Variants in UBAP2 observed in about 807,000 individuals in gnomAD.
UBAP2 encodes ubiquitin-associated protein 2.
A neutral mutation model predicts 139.6 loss-of-function variants in UBAP2; 75 were observed. The observed-to-expected ratio is 0.54, with a 90% confidence interval of 0.45 to 0.65. The LOEUF (loss-of-function observed/expected upper bound fraction) is 0.65, where lower values mean the gene tolerates loss of function less well. Ranked by LOEUF, UBAP2 falls within the 30% of genes least tolerant of loss-of-function variation. The probability of loss-of-function intolerance (pLI) is 0.00; values close to 1 mark genes in which losing one functional copy is unlikely to be tolerated. For missense variants in UBAP2, 1,368 were observed against 1,369.6 expected, an observed-to-expected ratio of 1.00 and a Z score of 0.02; for synonymous variants, 526 against 526.2, an observed-to-expected ratio of 1.00 and a Z score of 0.01.
rs35183703 is a variant in UBAP2, at chr9:34,021,678, G to A, written c.-41-4489C>T. 4.0e-3 allele frequency among the ~76,000 whole-genome samples: 590 copies of A among 146,022 alleles called. 2 individuals are homozygous for A. Among genetic ancestry groups the A allele is most frequent in the Non-Finnish European group, 4.8e-3 (322 of 67,366 alleles). On this transcript the variant is annotated intron_variant, in intron 1 of 28. Coordinates refer to ENST00000379238, the MANE Select transcript of UBAP2 (RefSeq NM_001370062.2). ...AGACGGAGGCTCGCTCCATCACCCAGGCTGGAGTGCAGTGATGTGATCTCA... is the reference window on the plus strand; with the variant it reads ...AGACGGAGGCTCGCTCCATCACCCAAGCTGGAGTGCAGTGATGTGATCTCA...
At position 33,922,375 on chromosome 9, in the gene UBAP2, C is replaced by T; in HGVS notation, c.*129G>A. ...TACAGTAGCCAGTCTGGGAGGCAGACTCCCCACAGAGGCATGGCTGACACA... is the reference window on the plus strand; with the variant it reads ...TACAGTAGCCAGTCTGGGAGGCAGATTCCCCACAGAGGCATGGCTGACACA... On this transcript the variant is annotated 3_prime_UTR_variant, in exon 29 of 29. Coordinates refer to ENST00000379238, the MANE Select transcript of UBAP2 (RefSeq NM_001370062.2). 1 of 872,936 alleles carries T rather than the reference C, an allele frequency of 1.1e-6. No individual in the cohort carries two copies. Among genetic ancestry groups the T allele is most frequent in the South Asian group, 1.5e-5 (1 of 67,772 alleles). 54.1% of individuals were successfully genotyped at this position (872,936 alleles called of 1,614,324 possible).
intron 15 of UBAP2, among the ~76,000 whole-genome samples, 154 bp downstream of exon 15, chr9:33,943,266 A>T (rs1825386583): frequency 6.6e-6 from 1 of 152,208 alleles, no homozygotes; most frequent in Non-Finnish European, 1.5e-5. Context: ...GAAGAAACTG[A>T]GACTGTCTGC....
intron 6 of UBAP2, among the ~76,000 whole-genome samples, chr9:33,983,977 T>C (rs776402001): frequency 6.6e-6 from 1 of 152,000 alleles, no homozygotes; most frequent in Non-Finnish European, 1.5e-5. Context: ...AATGGTACAA[T>C]CTCGGCTCAC....
At chr9:34,014,388 T>A (rs906680720) in intron 2 of UBAP2, among the ~76,000 whole-genome samples, 24 of 147,580 alleles carry the variant, frequency 1.6e-4, no homozygotes, top group African/African-American at 6.0e-4. Context: ...CACAGCACCT[T>A]TGAAGGCTAA....
chr9:33,967,510 T>C (rs990846265), intron 8 of UBAP2, among the ~76,000 whole-genome samples: 2 of 152,248 alleles, frequency 1.3e-5, no homozygotes, highest in African/African-American at 4.8e-5. Flanking sequence ...GGATTTTGTT[T>C]GTTTTTAATT....
At chr9:33,973,482 T>TA (rs1828062795) in intron 6 of UBAP2, among the ~76,000 whole-genome samples, 1 of 152,206 alleles carries the variant, frequency 6.6e-6, no homozygotes, top group African/African-American at 2.4e-5. Context: ...ATTTGACAGC[T>TA]AAACACAGGG....
chr9:34,039,929 C>T (rs912130044), intron 1 of UBAP2, among the ~76,000 whole-genome samples: 1 of 149,004 alleles, frequency 6.7e-6, no homozygotes, highest in African/African-American at 2.5e-5. Context: ...GAGGCCGAGG[C>T]GGGCGATCAC....
At position 33,923,363 on chromosome 9, in the gene UBAP2, G is replaced by A. The variant is rs747736444; in HGVS notation, c.2896+16C>T. ...TGTCTAACCCCATGTGTCTCTGTCT[G>A]GGAAGTACCCCTCACCTGTACTGTA... On this transcript the variant is annotated intron_variant, in intron 25 of 28. Transcript: ENST00000379238. The A allele has an allele frequency of 7.4e-6, 12 of 1,613,984 alleles. No homozygotes were observed. The highest frequency in any genetic ancestry group is 1.0e-5 in the Non-Finnish European group (12 of 1,179,882).
intron 13 of UBAP2, among the ~76,000 whole-genome samples, chr9:33,945,034 G>T (rs537900803): frequency 6.6e-5 from 10 of 152,196 alleles, no homozygotes; most frequent in East Asian, 1.9e-4. Flanking sequence ...GGAGGCTGAG[G>T]TGGGAGGATT....
chr9:34,010,056 C>T, intron 2 of UBAP2, among the ~76,000 whole-genome samples: 1 of 148,360 alleles, frequency 6.7e-6, no homozygotes, highest in Non-Finnish European at 1.5e-5. Context: ...ATCTACCTGC[C>T]TTGGCCTCCC....
chr9:34,039,857 A>G (rs1826891417), intron 1 of UBAP2, among the ~76,000 whole-genome samples: 1 of 149,356 alleles, frequency 6.7e-6, no homozygotes, highest in Admixed American at 6.7e-5. Context: ...TAAAAAAAAA[A>G]AAAAAAAAAA....
At chr9:33,964,658 C>T (rs1486739460) in intron 8 of UBAP2, among the ~76,000 whole-genome samples, 1 of 151,660 alleles carries the variant, frequency 6.6e-6, no homozygotes, top group African/African-American at 2.4e-5. Context: ...TAAGATTACG[C>T]CTGTGAATAC....
intron 1 of UBAP2, among the ~76,000 whole-genome samples, chr9:34,019,259 C>T (rs1030966157): frequency 2.6e-5 from 4 of 151,920 alleles, no homozygotes; most frequent in Non-Finnish European, 4.4e-5. Context: ...AAAAATTAGC[C>T]AGGCATGGTG....
intron 11 of UBAP2, among the ~76,000 whole-genome samples, chr9:33,954,894 G>A (rs1391176500): frequency 2.6e-5 from 4 of 152,092 alleles, no homozygotes; most frequent in Non-Finnish European, 5.9e-5. Context: ...TCATTTCTAA[G>A]GTATCATATG....
At chr9:33,971,465 A>G (rs1827909664) in intron 8 of UBAP2, among the ~76,000 whole-genome samples, 186 bp downstream of exon 8, 1 of 152,172 alleles carries the variant, frequency 6.6e-6, no homozygotes, top group Non-Finnish European at 1.5e-5. Context: ...CCTTGTCATC[A>G]TGAGATTTGT....
intron 1 of UBAP2, among the ~76,000 whole-genome samples, chr9:34,027,691 A>T (rs183816791): frequency 0.098 from 11,860 of 121,350 alleles, 679 homozygotes; most frequent in Non-Finnish European, 0.13. Context: ...CCCCATCTCT[A>T]CTAAAAATAC....
chr9:33,946,287 C>A (rs556586294), intron 13 of UBAP2, among the ~76,000 whole-genome samples: 1 of 151,678 alleles, frequency 6.6e-6, no homozygotes, highest in African/African-American at 2.4e-5. Context: ...GTATTTTTTT[C>A]ATTGTTTGTC....
intron 22 of UBAP2, among the ~76,000 whole-genome samples, 176 bp from the exon 23 acceptor site, chr9:33,924,460 C>T (rs892357022): frequency 3.9e-5 from 6 of 152,138 alleles, no homozygotes; most frequent in African/African-American, 1.4e-4. Flanking sequence ...TGCAACTAGG[C>T]GGCCTGCCTA....
At chr9:34,014,112 G>C (rs1824023270) in intron 2 of UBAP2, among the ~76,000 whole-genome samples, 2 of 151,784 alleles carry the variant, frequency 1.3e-5, no homozygotes, top group Non-Finnish European at 2.9e-5. Context: ...ATCACTTGAG[G>C]TCAGGAGTTT....
Sources: gnomAD v4.1 joint callset for allele counts (sites outside exome capture counted in the v4.1 genomes callset) on GRCh38, gnomAD v4.1.1 for gene constraint, MANE v1.5 for transcripts, NCBI Gene and HGNC (gene_info 2026-07-23, HGNC 2026-07-21) for gene names.